MTMR7: variants seen among roughly 807,000 people sequenced by gnomAD.
MTMR7 encodes phosphatidylinositol-3-phosphate phosphatase MTMR7.
A neutral mutation model predicts 81.2 loss-of-function variants in MTMR7; 76 were observed. That is an observed-to-expected ratio of 0.94 (90% confidence interval 0.78 to 1.13). MTMR7 has a LOEUF of 1.13. Ranked by LOEUF, MTMR7 falls within the 50% of genes most tolerant of loss-of-function variation. MTMR7 has a pLI of 0.00. For missense variants in MTMR7, 1,044 were observed against 820.0 expected, an observed-to-expected ratio of 1.27 and a Z score of -3.34; for synonymous variants, 372 against 289.8, an observed-to-expected ratio of 1.28 and a Z score of -2.88.
intron 8 of MTMR7, among the ~76,000 whole-genome samples, chr8:17,313,069 A>G (rs1217642535): frequency 6.6e-6 from 1 of 152,238 alleles, no homozygotes; most frequent in Non-Finnish European, 1.5e-5. Flanking sequence ...TACTCTGGAA[A>G]TATTTTACCA....
rs1184183609 is a variant in MTMR7 at position 17,302,294 on chromosome 8, C to G, written c.1494-14G>C. The G allele has an allele frequency of 1.2e-5, 19 of 1,611,548 alleles. No individual in the cohort carries two copies. Among genetic ancestry groups the G allele is most frequent in the Non-Finnish European group, 1.6e-5 (19 of 1,178,908 alleles). On this transcript the variant is annotated splice_polypyrimidine_tract_variant and intron_variant, in intron 12 of 13. Transcript: ENST00000180173. ...CCACTCCAAAACCTGGAAAGGATGG[C>G]AAAGCGTCGTGATACCACCTTATCA...
intron 7 of MTMR7, among the ~76,000 whole-genome samples, chr8:17,317,736 T>C (rs547552079): frequency 6.6e-6 from 1 of 152,324 alleles, no homozygotes; most frequent in East Asian, 1.9e-4. Flanking sequence ...AGAGATTGTC[T>C]AAGGATCTGC....
chr8:17,367,306 C>T (rs1820256848), intron 3 of MTMR7, among the ~76,000 whole-genome samples: 1 of 151,962 alleles, frequency 6.6e-6, no homozygotes, highest in Admixed American at 6.6e-5. Flanking sequence ...TACCCACAAA[C>T]ACTAAGGAGG....
chr8:17,311,505 A>G lies in MTMR7; in HGVS notation c.1101+6T>C. ...CCTGTGGGAATCGCCCAGTGGCCACACTCACCATGAAGCCCTTCAGAGTCC... is the reference window on the plus strand; with the variant it reads ...CCTGTGGGAATCGCCCAGTGGCCACGCTCACCATGAAGCCCTTCAGAGTCC... On this transcript the variant is annotated splice_donor_region_variant and intron_variant, in intron 9 of 13. Coordinates refer to ENST00000180173, the MANE Select transcript of MTMR7 (RefSeq NM_004686.5). 1 of 1,614,040 alleles carries G rather than the reference A, an allele frequency of 6.2e-7. No individual in the cohort carries two copies.
intron 1 of MTMR7, among the ~76,000 whole-genome samples, chr8:17,387,334 A>G (rs1275277489): frequency 6.6e-6 from 1 of 152,228 alleles, no homozygotes; most frequent in African/African-American, 2.4e-5. Flanking sequence ...TACGTGAAGT[A>G]CGGAGGTACA....
Position 17,373,220 on chromosome 8 carries a change from T to G in MTMR7, c.45A>C (p.Val15=), listed in dbSNP as rs1329669461. Residue 15 remains valine, a synonymous_variant, in exon 2 of 14, where the codon GTA becomes GTC. Coordinates refer to ENST00000180173, the MANE Select transcript of MTMR7 (RefSeq NM_004686.5). ...RTPKVENVRL[V]DRVSPKKAAL... ...CTGCTTTTTTAGGAGACACTCGATC[T>G]ACCAAGCGGACATTTTCAACCTAGA... The G allele has an allele frequency of 6.2e-7, 1 of 1,613,114 alleles. No homozygotes were observed. Among genetic ancestry groups the G allele is most frequent in the Non-Finnish European group, 8.5e-7 (1 of 1,179,524 alleles).
At chr8:17,356,552 A>G (rs1819895541) in intron 4 of MTMR7, among the ~76,000 whole-genome samples, 1 of 151,828 alleles carries the variant, frequency 6.6e-6, no homozygotes, top group Non-Finnish European at 1.5e-5. Flanking sequence ...TACTAATAAT[A>G]ATAATACAAA....
intron 9 of MTMR7, among the ~76,000 whole-genome samples, chr8:17,310,492 C>G (rs1817725911): frequency 1.3e-5 from 2 of 152,154 alleles, no homozygotes; most frequent in African/African-American, 2.4e-5. Context: ...GATGGAAACG[C>G]ATGTGTGCAG....
chr8:17,306,487 T>C (rs973784091), intron 10 of MTMR7, among the ~76,000 whole-genome samples: 1 of 152,196 alleles, frequency 6.6e-6, no homozygotes, highest in African/African-American at 2.4e-5. Context: ...TGACGACAGA[T>C]TCCACATGTA....
chr8:17,306,268 A>C (rs1345074049), intron 10 of MTMR7, among the ~76,000 whole-genome samples: 1 of 152,196 alleles, frequency 6.6e-6, no homozygotes, highest in African/African-American at 2.4e-5. Flanking sequence ...TTAAAAGTAC[A>C]TTAGAACTTT....
chr8:17,379,379 T>C (rs1820692415), intron 1 of MTMR7, among the ~76,000 whole-genome samples: 1 of 152,176 alleles, frequency 6.6e-6, no homozygotes, highest in Non-Finnish European at 1.5e-5. Flanking sequence ...CCACGTTAGC[T>C]TTTCAGAAGC....
At chr8:17,367,448 A>G (rs186532015) in intron 3 of MTMR7, among the ~76,000 whole-genome samples, 25 of 152,232 alleles carry the variant, frequency 1.6e-4, no homozygotes, top group Admixed American at 2.6e-4. Context: ...TTATTAATAC[A>G]TTAGATCTAC....
intron 7 of MTMR7, among the ~76,000 whole-genome samples, chr8:17,323,673 C>G (rs1046388590): frequency 1.3e-5 from 2 of 152,110 alleles, no homozygotes; most frequent in Admixed American, 1.3e-4. Context: ...CCACACACCT[C>G]ATGCCAGCTG....
intron 4 of MTMR7, among the ~76,000 whole-genome samples, chr8:17,358,744 AT>A (rs1819971505): frequency 6.6e-6 from 1 of 152,210 alleles, no homozygotes; most frequent in Non-Finnish European, 1.5e-5. Context: ...CCTGTCTGTA[AT>A]TTTTAAAACA....
intron 2 of MTMR7, among the ~76,000 whole-genome samples, chr8:17,372,685 C>T (rs1371769815): frequency 1.3e-5 from 2 of 152,016 alleles, no homozygotes; most frequent in African/African-American, 4.8e-5. Flanking sequence ...TGATGAAGCT[C>T]CTCTAGATTT....
chr8:17,340,611 A>C (rs1268848400), intron 6 of MTMR7, among the ~76,000 whole-genome samples: 1 of 152,232 alleles, frequency 6.6e-6, no homozygotes, highest in East Asian at 1.9e-4. Flanking sequence ...AAAACAAAAA[A>C]GTTAAGGCTG....
chr8:17,374,344 CGGG>C (rs1820507753), intron 1 of MTMR7, among the ~76,000 whole-genome samples: 1 of 152,082 alleles, frequency 6.6e-6, no homozygotes, highest in Admixed American at 6.6e-5. Flanking sequence ...AAAAATTGGC[CGGG>C]AGCGGTGGCT....
intron 1 of MTMR7, among the ~76,000 whole-genome samples, chr8:17,382,304 C>A (rs1296042555): frequency 1.3e-5 from 2 of 152,212 alleles, no homozygotes; most frequent in Non-Finnish European, 2.9e-5. Flanking sequence ...CCTGGAGGAA[C>A]AAGCTGCCCA....
At chr8:17,307,780 G>C (rs1156244938) in intron 10 of MTMR7, among the ~76,000 whole-genome samples, 1 of 151,468 alleles carries the variant, frequency 6.6e-6, no homozygotes, top group African/African-American at 2.4e-5. Flanking sequence ...GCAAACTATC[G>C]CAAGGACAAA....
Sources: allele counts gnomAD v4.1 joint callset (sites outside exome capture counted in the v4.1 genomes callset), GRCh38; gene constraint gnomAD v4.1.1; transcripts MANE v1.5; gene names NCBI Gene and HGNC (gene_info 2026-07-23, HGNC 2026-07-21).